The following FGG variants were observed in gnomAD, a reference collection of about 807,000 sequenced individuals.
FGG encodes fibrinogen gamma chain, also known as fibrinogen, gamma polypeptide.
FGG carries 20 observed loss-of-function variants against 51.7 expected under a neutral mutation model. The observed-to-expected ratio is 0.39, with a 90% CI of 0.27 to 0.56. FGG has a LOEUF of 0.56. Ranked by LOEUF, FGG falls within the 20% of genes least tolerant of loss-of-function variation. The pLI is 0.64. For missense variants in FGG, 460 were observed against 534.2 expected (o/e 0.86, Z 1.37); for synonymous variants, 184 against 184.7 (o/e 1.00, Z 0.03).
chr4:154,611,961 A>G, intron 3 of FGG, 57 bp downstream of exon 3: 1 of 1,605,796 alleles, frequency 6.2e-7, no homozygotes, highest in Non-Finnish European at 8.5e-7. Flanking sequence ...AACAACAGCA[A>G]AAGAACTTCA....
At position 154,612,326 on chromosome 4, in the gene FGG, A is replaced by T. The variant is rs997426207; in HGVS notation, c.123+65T>A. On this transcript the variant is annotated intron_variant, in intron 2 of 8. Transcript: ENST00000336098. ...AGTGCCAGATGATATTTATGAGGGA[A>T]TTATTTCTATTCCTCTGCCCCTCTC... 1.4e-5 allele frequency: 22 copies of T among 1,590,446 alleles called. No individual in the cohort carries two copies. In the African/African-American group the frequency reaches 2.3e-4, roughly 17 times the overall value.
intron 8 of FGG, 71 bp downstream of exon 8, chr4:154,606,634 T>A (rs1731101221): frequency 2.8e-6 from 4 of 1,437,798 alleles, no homozygotes; most frequent in Non-Finnish European, 3.8e-6. Context: ...TTTCTTCATA[T>A]CTATTTATTA....
chr4:154,605,766 A>C (rs1352367323), intron 8 of FGG, among the ~76,000 whole-genome samples: 1 of 152,148 alleles, frequency 6.6e-6, no homozygotes, highest in Non-Finnish European at 1.5e-5. Flanking sequence ...TGTTACTTTA[A>C]ATAAACTGTG....
At chr4:154,609,893 G>T (rs1289933262) in intron 5 of FGG, 130 bp from the exon 6 acceptor site, 18 of 1,526,978 alleles carry the variant, frequency 1.2e-5, no homozygotes, top group Admixed American at 5.2e-5. Context: ...TTTCACATCA[G>T]CATTCCTTTT....
intron 8 of FGG, among the ~76,000 whole-genome samples, chr4:154,605,850 TG>T (rs1560833661): frequency 6.6e-6 from 1 of 152,022 alleles, no homozygotes; most frequent in Non-Finnish European, 1.5e-5. Context: ...GAGGAGACTA[TG>T]GTTTGCTACA....
At chr4:154,605,144 A>G (rs1350518586) in intron 8 of FGG, 78 bp from the exon 9 acceptor site, 1 of 1,487,588 alleles carries the variant, frequency 6.7e-7, no homozygotes, top group Non-Finnish European at 9.3e-7. Flanking sequence ...GCTGTCTATT[A>G]CGAAGTGCAT....
chr4:154,609,260 G>A (rs541893658), intron 6 of FGG, among the ~76,000 whole-genome samples: 2 of 152,054 alleles, frequency 1.3e-5, no homozygotes, highest in Non-Finnish European at 2.9e-5. Flanking sequence ...GAAACCTCAG[G>A]TCTTGACCTA....
At position 154,606,630 on chromosome 4, in the gene FGG, C is replaced by A. The variant is rs968887981; in HGVS notation, c.1129+75G>T. 2.3e-5 allele frequency: 32 copies of A among 1,419,804 alleles called. No homozygotes were observed. The African/African-American group carries it at 4.2e-4, about 19-fold the overall frequency. 88.0% of individuals were successfully genotyped at this position (1,419,804 alleles called of 1,614,324 possible). ...CTTTATAAATTATTCTTCATTTCTT[C>A]ATATCTATTTATTATTTTTTATGAA... On this transcript the variant is annotated intron_variant, in intron 8 of 8. Transcript: ENST00000336098.
Position 154,604,624 on chromosome 4 carries a change from G to T in FGG, c.*210C>A. The T allele has an allele frequency of 7.7e-7, 1 of 1,303,854 alleles. No homozygotes were observed. 80.8% of individuals were successfully genotyped at this position (1,303,854 alleles called of 1,614,324 possible). On this transcript the variant is annotated 3_prime_UTR_variant, in exon 9 of 9. Coordinates refer to ENST00000336098, the MANE Select transcript of FGG (RefSeq NM_021870.3). ...TTATTATATATTTAGGAACAAAGTTGAAATGTTATCTCCTCAAATAAACAA... is the reference window on the plus strand; with the variant it reads ...TTATTATATATTTAGGAACAAAGTTTAAATGTTATCTCCTCAAATAAACAA...
At chr4:154,608,369 T>C in intron 7 of FGG, 97 bp downstream of exon 7, 1 of 1,230,108 alleles carries the variant, frequency 8.1e-7, no homozygotes, top group South Asian at 1.3e-5. Context: ...TGTTTGCATT[T>C]GTCAGGCTGC....
At chr4:154,609,465 C>T (rs1315701498) in intron 6 of FGG, among the ~76,000 whole-genome samples, 165 bp downstream of exon 6, 2 of 152,072 alleles carry the variant, frequency 1.3e-5, no homozygotes, top group Non-Finnish European at 2.9e-5. Context: ...ACCTTGTGTG[C>T]CTCAGTTTCC....
chr4:154,608,646 A>C lies in FGG; in HGVS notation c.671T>G (p.Leu224Arg), dbSNP rs573927803. The C allele has an allele frequency of 1.6e-5, 25 of 1,610,978 alleles. No homozygotes were observed. In the South Asian group the frequency reaches 2.3e-4, roughly 15 times the overall value. ...GNGWTVFQKR[L>R]DGSVDFKKNW... The stretch of plus-strand genomic sequence containing the variant: ...TTTCTTGAAATCTACACTGCCATCA[A>C]GTCTCTAATTACACATTTGCAAGAG... Residue 224 changes from leucine to arginine, a missense_variant, in exon 7 of 9, where the codon CTT becomes CGT. Transcript: ENST00000336098.
Position 154,609,656 on chromosome 4 carries a change from C to T in FGG, c.640G>A (p.Gly214Arg). Residue 214 changes from glycine to arginine, a missense_variant, in exon 6 of 9, where the codon GGA becomes AGA. Transcript: ENST00000336098. ...TTCTGAAACACAGTCCATCCATTTC[C>T]AGACCCATCGATTTCACAGTAGACT... is the stretch of plus-strand genomic sequence containing the variant. ...FLVYCEIDGS[G>R]NGWTVFQKRL... The T allele has an allele frequency of 6.2e-7, 1 of 1,613,950 alleles. No homozygotes were observed. Among genetic ancestry groups the T allele is most frequent in the East Asian group, 2.2e-5 (1 of 44,850 alleles).
intron 6 of FGG, 92 bp from the exon 7 acceptor site, chr4:154,608,742 A>G: frequency 8.2e-7 from 1 of 1,215,764 alleles, no homozygotes; most frequent in Non-Finnish European, 1.2e-6. Context: ...AATACAGAGC[A>G]CTGGTTCTAT....
intron 4 of FGG, among the ~76,000 whole-genome samples, chr4:154,610,854 T>A (rs1415071069): frequency 6.6e-6 from 1 of 152,162 alleles, no homozygotes; most frequent in Non-Finnish European, 1.5e-5. Context: ...AAACCCTCCT[T>A]TTGTAGTTAC....
rs1578812554 is a variant in FGG at position 154,611,906 on chromosome 4, A to G, written c.308-8T>C. On this transcript the variant is annotated splice_region_variant and splice_polypyrimidine_tract_variant and intron_variant, in intron 3 of 8. Transcript: ENST00000336098. ...TAGCAGCGTCTATCATATCTGTAAT[A>G]TAGGATCAGAGACATAAAAATCCTT... is the stretch of plus-strand genomic sequence containing the variant. The G allele has an allele frequency of 1.2e-6, 2 of 1,607,980 alleles. No homozygotes were observed. The highest frequency in any genetic ancestry group is 1.7e-6 in the Non-Finnish European group (2 of 1,175,572).
intron 4 of FGG, chr4:154,611,454 T>A (rs1359319680): frequency 6.0e-6 from 1 of 166,648 alleles, no homozygotes; most frequent in Non-Finnish European, 1.3e-5. Flanking sequence ...TTTGTCAGCA[T>A]TTTTATAAAG....
intron 6 of FGG, among the ~76,000 whole-genome samples, chr4:154,608,933 C>G: frequency 6.6e-6 from 1 of 152,228 alleles, no homozygotes; most frequent in East Asian, 1.9e-4. Flanking sequence ...AAAAAGACAC[C>G]TAGACGACTT....
intron 7 of FGG, among the ~76,000 whole-genome samples, chr4:154,608,020 C>T (rs569952538): frequency 1.3e-5 from 2 of 152,210 alleles, no homozygotes; most frequent in African/African-American, 4.8e-5. Flanking sequence ...GCTTTTCAAC[C>T]AGGATAGTTG....
Sources: gnomAD v4.1 joint callset for allele counts (sites outside exome capture counted in the v4.1 genomes callset) on GRCh38, gnomAD v4.1.1 for gene constraint, MANE v1.5 for transcripts, NCBI Gene and HGNC (gene_info 2026-07-23, HGNC 2026-07-21) for gene names.